Variants in CACNA1D observed in about 807,000 individuals in gnomAD.
CACNA1D encodes the protein calcium voltage-gated channel subunit alpha1 D, also known as voltage-dependent L-type calcium channel subunit alpha-1D.
A neutral mutation model predicts 257.1 loss-of-function variants in CACNA1D; 55 were observed. That is an observed-to-expected ratio of 0.21 (90% CI 0.17 to 0.27). The LOEUF is 0.27. Ranked by LOEUF, CACNA1D falls within the 10% of genes least tolerant of loss-of-function variation. The pLI, the probability that CACNA1D is intolerant of heterozygous loss-of-function variation, is 1.00. For synonymous variants in CACNA1D, 980 were observed against 1,014.9 expected, an observed-to-expected ratio of 0.97 and a Z score of 0.65; for missense variants, 1,876 against 2,784.0, an observed-to-expected ratio of 0.67 and a Z score of 7.34.
chr3:53,530,438 C>A (rs1400758277), intron 3 of CACNA1D: 1 of 152,244 alleles, frequency 6.6e-6, no homozygotes. Context: ...TCGTCTTTAT[C>A]CCCTGGAATC....
chr3:53,784,840 C>A (rs532567910), intron 39 of CACNA1D, among the ~76,000 whole-genome samples: 1 of 152,296 alleles, frequency 6.6e-6, no homozygotes, highest in East Asian at 1.9e-4. Flanking sequence ...TGAAGAAGCC[C>A]AGCAGCCAGT....
At chr3:53,761,605 G>C (rs564283212) in intron 29 of CACNA1D, among the ~76,000 whole-genome samples, 2 of 152,206 alleles carry the variant, frequency 1.3e-5, no homozygotes, top group African/African-American at 2.4e-5. Context: ...TTTAAGTGGG[G>C]TGAATGGAGA....
chr3:53,807,114 C>T (rs982622795), intron 45 of CACNA1D, among the ~76,000 whole-genome samples: 11 of 152,260 alleles, frequency 7.2e-5, no homozygotes, highest in Admixed American at 2.0e-4. Flanking sequence ...GGATTCCCTC[C>T]TCCTCCAGAG....
chr3:53,767,099 A>C (rs2095337095), intron 30 of CACNA1D, among the ~76,000 whole-genome samples: 1 of 152,146 alleles, frequency 6.6e-6, no homozygotes, highest in South Asian at 2.1e-4. Context: ...GTTCAGCCAC[A>C]GCAGCCTGAG....
At chr3:53,727,265 T>TC (rs766502223) in intron 15 of CACNA1D, among the ~76,000 whole-genome samples, 2 of 152,198 alleles carry the variant, frequency 1.3e-5, no homozygotes, top group Non-Finnish European at 2.9e-5. Context: ...CACATACTGG[T>TC]CCCAGAGGTC....
At chr3:53,514,898 C>A (rs1251004317) in intron 3 of CACNA1D, among the ~76,000 whole-genome samples, 4 of 152,140 alleles carry the variant, frequency 2.6e-5, no homozygotes, top group Non-Finnish European at 5.9e-5. Flanking sequence ...TGCATCTGTC[C>A]CACCGAATAG....
At position 53,601,304 on chromosome 3, in the gene CACNA1D, A is replaced by G. The variant is rs143527207; in HGVS notation, c.484-49475A>G. ...CTAAGGTTTTCAATGTGAAAATATGAAATTACATTCTCATACTAAATAGGC... is the reference window on the plus strand; with the variant it reads ...CTAAGGTTTTCAATGTGAAAATATGGAATTACATTCTCATACTAAATAGGC... On this transcript the variant is annotated intron_variant, in intron 3 of 47. Transcript: ENST00000350061. Among the ~76,000 whole-genome samples, 15 of 152,304 alleles carry G rather than the reference A, an allele frequency of 9.8e-5. No homozygotes were observed. The East Asian group carries it at 2.9e-3, about 29-fold the overall frequency.
At chr3:53,779,284 A>G (rs1158645607) in intron 37 of CACNA1D, among the ~76,000 whole-genome samples, 2 of 152,194 alleles carry the variant, frequency 1.3e-5, no homozygotes, top group African/African-American at 2.4e-5. Context: ...GTTAACATTT[A>G]TATTTCATGA....
intron 39 of CACNA1D, 91 bp from the exon 40 acceptor site, chr3:53,786,731 G>GC (rs2095455307): frequency 4.9e-5 from 17 of 345,024 alleles, no homozygotes; most frequent in South Asian, 7.4e-5. Context: ...GCCCCACTCT[G>GC]CCCCTGCCCC....
At chr3:53,694,025 C>G (rs1384774109) in intron 8 of CACNA1D, among the ~76,000 whole-genome samples, 1 of 152,198 alleles carries the variant, frequency 6.6e-6, no homozygotes, top group South Asian at 2.1e-4. Flanking sequence ...ACTGCGTGTC[C>G]TCTTGCATCT....
At chr3:53,578,145 G>A (rs1363292403) in intron 3 of CACNA1D, among the ~76,000 whole-genome samples, 2 of 152,168 alleles carry the variant, frequency 1.3e-5, no homozygotes, top group Non-Finnish European at 2.9e-5. Context: ...TGGGTCAAGT[G>A]TGTAGATTCT....
At chr3:53,523,461 A>G (rs1432975333) in intron 3 of CACNA1D, among the ~76,000 whole-genome samples, 1 of 152,248 alleles carries the variant, frequency 6.6e-6, no homozygotes, top group Non-Finnish European at 1.5e-5. Flanking sequence ...TATCTCAGAC[A>G]TGAGAAAGGA....
chr3:53,658,750 G>A (rs2094173575), intron 4 of CACNA1D, among the ~76,000 whole-genome samples: 1 of 152,230 alleles, frequency 6.6e-6, no homozygotes. Context: ...ATGCTGAAGA[G>A]AGAGAAGCCT....
chr3:53,666,763 C>G (rs563213786), intron 7 of CACNA1D, among the ~76,000 whole-genome samples: 1 of 152,198 alleles, frequency 6.6e-6, no homozygotes, highest in Non-Finnish European at 1.5e-5. Flanking sequence ...CTTTAGTCCT[C>G]TACTTCCCAG....
rs1363852841 is a variant in CACNA1D, at chr3:53,722,310, T to G, written c.1506-4T>G. ...CTACGTAGTAATGTTTGCTTGTCTT[T>G]TAGCCGACGCTGGCGTCGCTGGAAC... is the stretch of plus-strand genomic sequence containing the variant. On this transcript the variant is annotated splice_polypyrimidine_tract_variant and splice_region_variant and intron_variant, in intron 11 of 47. Coordinates refer to ENST00000350061, the MANE Select transcript of CACNA1D (RefSeq NM_001128840.3). 4 of 1,614,024 alleles carry G rather than the reference T, an allele frequency of 2.5e-6. No homozygotes were observed. In the African/African-American group the frequency reaches 5.3e-5, roughly 22 times the overall value.
At chr3:53,651,900 G>A (rs1230808136) in intron 4 of CACNA1D, among the ~76,000 whole-genome samples, 2 of 151,992 alleles carry the variant, frequency 1.3e-5, no homozygotes, top group Non-Finnish European at 2.9e-5. Flanking sequence ...AATTCTGCTG[G>A]GTATTGGGAG....
At chr3:53,742,889 T>A (rs530910195) in intron 21 of CACNA1D, 122 bp from the exon 22 acceptor site, 1 of 752,682 alleles carries the variant, frequency 1.3e-6, no homozygotes, top group East Asian at 2.5e-5. Context: ...TGGTTTACAT[T>A]TCTGACTTCT....
intron 29 of CACNA1D, among the ~76,000 whole-genome samples, chr3:53,757,017 G>A (rs545465315): frequency 6.6e-6 from 1 of 152,312 alleles, no homozygotes; most frequent in South Asian, 2.1e-4. Flanking sequence ...AAAAAGTAAG[G>A]AGAAATTAGG....
At chr3:53,534,523 C>G (rs1274238770) in intron 3 of CACNA1D, among the ~76,000 whole-genome samples, 7 of 152,118 alleles carry the variant, frequency 4.6e-5, no homozygotes, top group African/African-American at 1.7e-4. Flanking sequence ...GCCTCTGGAA[C>G]CTCTCCATTC....
Sources: allele counts gnomAD v4.1 joint callset (sites outside exome capture counted in the v4.1 genomes callset), GRCh38; gene constraint gnomAD v4.1.1; transcripts MANE v1.5; gene names NCBI Gene and HGNC (gene_info 2026-07-23, HGNC 2026-07-21).